Variants in DIAPH2 observed in about 807,000 individuals in gnomAD.
The protein encoded by DIAPH2 is protein diaphanous homolog 2.
DIAPH2 carries 35 observed loss-of-function variants against 92.7 expected under a neutral mutation model. The ratio of observed to expected loss-of-function variants is 0.38; its 90% CI spans 0.29 to 0.50. The LOEUF (loss-of-function observed/expected upper bound fraction) is 0.50. Ranked by LOEUF, DIAPH2 falls within the 20% of genes least tolerant of loss-of-function variation. The pLI, the probability that DIAPH2 is intolerant of heterozygous loss-of-function variation, is 0.94. For missense variants in DIAPH2, 701 were observed against 819.5 expected (o/e 0.86, Z 1.77); for synonymous variants, 301 against 280.4 (o/e 1.07, Z -0.73).
At chrX:97,350,356 C>A (rs916509826) in intron 24 of DIAPH2, among the ~76,000 whole-genome samples, 1 of 110,712 alleles carries the variant, frequency 9.0e-6, no homozygotes, top group African/African-American at 3.3e-5. Context: ...TATTGTTGAT[C>A]TCCATTTAGA....
At chrX:97,121,428 C>T (rs1008146031) in intron 21 of DIAPH2, among the ~76,000 whole-genome samples, 1 of 111,512 alleles carries the variant, frequency 9.0e-6, no homozygotes, top group South Asian at 3.7e-4. Context: ...ACTCAGAACT[C>T]GTCAAATTTG....
At chrX:96,775,155 G>A (rs1392655063) in intron 4 of DIAPH2, among the ~76,000 whole-genome samples, 1 of 110,942 alleles carries the variant, frequency 9.0e-6, no homozygotes, top group Non-Finnish European at 1.9e-5. Flanking sequence ...CATCACCCAT[G>A]CAATCTCTCT....
At chrX:97,166,035 T>G (rs1261964574) in intron 22 of DIAPH2, among the ~76,000 whole-genome samples, 1 of 111,068 alleles carries the variant, frequency 9.0e-6, no homozygotes, top group African/African-American at 3.3e-5. Context: ...GTGCGTTCAT[T>G]GAGAATAACC....
intron 25 of DIAPH2, among the ~76,000 whole-genome samples, chrX:97,389,558 G>T (rs2069636590): frequency 9.1e-6 from 1 of 109,747 alleles, no homozygotes; most frequent in Admixed American, 9.8e-5. Context: ...GCTCCTCCAA[G>T]TGTTTATTAA....
chrX:97,018,390 A>G (rs893249957), intron 17 of DIAPH2, among the ~76,000 whole-genome samples: 4 of 112,230 alleles, frequency 3.6e-5, no homozygotes, highest in African/African-American at 9.7e-5. Context: ...TTCAGGTATT[A>G]TTGGTTCTTC....
intron 22 of DIAPH2, among the ~76,000 whole-genome samples, chrX:97,151,588 G>A (rs913035398): frequency 1.8e-5 from 2 of 109,868 alleles, no homozygotes; most frequent in East Asian, 2.9e-4. Flanking sequence ...TATGTACCAC[G>A]TGAAGATCAT....
chrX:96,852,822 A>G (rs2065014336), intron 4 of DIAPH2, among the ~76,000 whole-genome samples: 1 of 112,107 alleles, frequency 8.9e-6, no homozygotes, highest in Non-Finnish European at 1.9e-5. Context: ...CATTTGGCAA[A>G]TAGTCTTTTC....
intron 4 of DIAPH2, among the ~76,000 whole-genome samples, chrX:96,778,586 G>A (rs745402317): frequency 9.0e-6 from 1 of 110,545 alleles, no homozygotes; most frequent in East Asian, 2.8e-4. Flanking sequence ...TATAGAGCCC[G>A]TATTCAAATT....
intron 22 of DIAPH2, among the ~76,000 whole-genome samples, chrX:97,164,934 C>T (rs1426721000): frequency 2.7e-5 from 3 of 112,232 alleles, no homozygotes; most frequent in Non-Finnish European, 5.6e-5. Context: ...CAACAGAAGA[C>T]CAAGAAAGAA....
intron 17 of DIAPH2, among the ~76,000 whole-genome samples, chrX:97,045,848 A>ACTTTTTTT (rs1239959717): frequency 7.9e-4 from 51 of 64,402 alleles, no homozygotes; most frequent in African/African-American, 3.0e-3. Context: ...GTATTTTAGG[A>ACTTTTTTT]TTTTTTTTTT....
intron 4 of DIAPH2, among the ~76,000 whole-genome samples, chrX:96,864,394 G>A (rs1602576361): frequency 9.1e-6 from 1 of 109,943 alleles, no homozygotes; most frequent in East Asian, 2.9e-4. Flanking sequence ...TACCCCATGG[G>A]TAGGGCTTTT....
chrX:97,106,779 A>G (rs2066944705), intron 20 of DIAPH2, among the ~76,000 whole-genome samples: 1 of 110,815 alleles, frequency 9.0e-6, no homozygotes, highest in Non-Finnish European at 1.9e-5. Flanking sequence ...TAAAAATACA[A>G]AAATTAGCCA....
At chrX:97,104,279 C>G (rs2066924317) in intron 20 of DIAPH2, among the ~76,000 whole-genome samples, 1 of 111,932 alleles carries the variant, frequency 8.9e-6, no homozygotes, top group African/African-American at 3.2e-5. Context: ...CCATCTTATT[C>G]TGTATCTATA....
At chrX:96,824,585 A>G (rs753889190) in intron 4 of DIAPH2, among the ~76,000 whole-genome samples, 1 of 111,709 alleles carries the variant, frequency 9.0e-6, no homozygotes, top group East Asian at 2.8e-4. Context: ...CAAATATGCT[A>G]GTTCAATTTA....
At chrX:97,258,182 C>T (rs1006747157) in intron 23 of DIAPH2, among the ~76,000 whole-genome samples, 6 of 111,713 alleles carry the variant, frequency 5.4e-5, no homozygotes, top group African/African-American at 2.0e-4. Flanking sequence ...TTACTTTTTT[C>T]ACTTTGGTAG....
intron 26 of DIAPH2, among the ~76,000 whole-genome samples, chrX:97,435,537 G>A (rs1281087263): frequency 9.0e-6 from 1 of 111,662 alleles, no homozygotes. Context: ...ATTCTTTCTA[G>A]CAGTTTGGTG....
intron 23 of DIAPH2, among the ~76,000 whole-genome samples, chrX:97,275,274 C>A (rs1322324827): frequency 1.0e-5 from 1 of 97,929 alleles, no homozygotes; most frequent in Non-Finnish European, 2.0e-5. Flanking sequence ...GCAGGGGCTG[C>A]CCCCCCAACC....
intron 23 of DIAPH2, among the ~76,000 whole-genome samples, chrX:97,295,073 C>T (rs2068632259): frequency 9.0e-6 from 1 of 111,164 alleles, no homozygotes; most frequent in South Asian, 3.8e-4. Flanking sequence ...GATCCTTAAC[C>T]CCCGAACTCA....
Position 96,823,079 on chromosome X carries a change from G to T in DIAPH2, c.448-58500G>T, listed in dbSNP as rs764079676. Among the ~76,000 whole-genome samples, 153 of 111,621 alleles carry T rather than the reference G, an allele frequency of 1.4e-3. 1 individual carries two copies. Among genetic ancestry groups the T allele is most frequent in the African/African-American group, 4.6e-3 (142 of 30,896 alleles). On this transcript the variant is annotated intron_variant, in intron 4 of 26. Transcript: ENST00000324765. ...ATACTGCAGTTTAATAGACAAAAAG[G>T]ATCTAAAATAATGATCTGATATGTG...
Sources: allele counts gnomAD v4.1 joint callset (sites outside exome capture counted in the v4.1 genomes callset), GRCh38; gene constraint gnomAD v4.1.1; transcripts MANE v1.5; gene names NCBI Gene and HGNC (gene_info 2026-07-23, HGNC 2026-07-21).